The following EPM2A variants were observed in gnomAD, a reference collection of about 807,000 sequenced individuals.
EPM2A encodes EPM2A glucan phosphatase, laforin, also known as laforin.
EPM2A carries 21 observed loss-of-function variants against 26.5 expected under a neutral mutation model. The ratio of observed to expected loss-of-function variants is 0.79; its 90% CI spans 0.56 to 1.14. The LOEUF is 1.14. Ranked by LOEUF, EPM2A falls within the 50% of genes most tolerant of loss-of-function variation. The pLI is 0.00. For synonymous variants in EPM2A, 217 were observed against 177.6 expected (o/e 1.22, Z -1.76); for missense variants, 458 against 440.8 (o/e 1.04, Z -0.35).
chr6:145,676,883 T>G (rs527938742), intron 2 of EPM2A, among the ~76,000 whole-genome samples: 1 of 152,282 alleles, frequency 6.6e-6, no homozygotes, highest in Admixed American at 6.5e-5. Flanking sequence ...CTTCTGAAAC[T>G]ATTCCAATCA....
chr6:145,448,973 G>A (rs761949667), intron 4 of EPM2A, among the ~76,000 whole-genome samples: 2 of 152,152 alleles, frequency 1.3e-5, no homozygotes, highest in African/African-American at 2.4e-5. Context: ...AGTACAAAAT[G>A]TAAGTAGCAA....
intron 2 of EPM2A, among the ~76,000 whole-genome samples, chr6:145,655,212 T>C (rs374141235): frequency 7.2e-5 from 11 of 151,838 alleles, no homozygotes; most frequent in African/African-American, 2.7e-4. Context: ...CAGGATTGGC[T>C]TTTCCAGTGG....
In EPM2A at chr6:145,627,680, C is replaced by T; in HGVS notation, c.732G>A (p.Met244Ile). 1 of 1,614,156 alleles carries T rather than the reference C, an allele frequency of 6.2e-7. No individual in the cohort carries two copies. Residue 244 changes from methionine to isoleucine, a missense_variant, in exon 4 of 4, where the codon ATG (methionine) becomes ATA (isoleucine). Physicochemically the swap from Met to Ile is conservative, Grantham distance 10 (BLOSUM62 1). Transcript: ENST00000367519. Reference sequence around the variant, plus strand: ...GCAGCAGGCACACCGCCTGGGGCAGCATCTGTACTCGGCCTGCGGTGGGGA... The same window carrying T: ...GCAGCAGGCACACCGCCTGGGGCAGTATCTGTACTCGGCCTGCGGTGGGGA... ...PDMSTEGRVQMLPQAVCLLHA... is the reference protein window; with the variant it reads ...PDMSTEGRVQILPQAVCLLHA...
intron 4 of EPM2A, among the ~76,000 whole-genome samples, chr6:145,456,610 A>T (rs1332533495): frequency 6.6e-6 from 1 of 152,124 alleles, no homozygotes; most frequent in Non-Finnish European, 1.5e-5. Context: ...ATGAATATGG[A>T]CAATTTCTAC....
At position 145,416,067 on chromosome 6, in the gene EPM2A, A is replaced by C. The variant is rs572245314; in HGVS notation, c.556-31970T>G. On this transcript the variant is annotated intron_variant, in intron 4 of 4. Transcript: ENST00000638717. Reference sequence around the variant, plus strand: ...CCGACTCCCAGCTGCAGATCATGAAACCACTGTCTTGATCCTGCCCACTTA... The same window carrying C: ...CCGACTCCCAGCTGCAGATCATGAACCCACTGTCTTGATCCTGCCCACTTA... Among the ~76,000 whole-genome samples, 13 of 152,156 alleles carry C rather than the reference A, an allele frequency of 8.5e-5. 1 individual carries two copies. The South Asian group carries it at 2.1e-3, about 24-fold the overall frequency.
intron 2 of EPM2A, among the ~76,000 whole-genome samples, chr6:145,660,607 G>A (rs1433275123): frequency 6.6e-6 from 1 of 152,120 alleles, no homozygotes; most frequent in East Asian, 1.9e-4. Context: ...TTCGAGACCA[G>A]CCTGGCCAAC....
chr6:145,425,092 A>G (rs1297590719), intron 4 of EPM2A, among the ~76,000 whole-genome samples: 2 of 130,334 alleles, frequency 1.5e-5, no homozygotes, highest in Non-Finnish European at 3.5e-5. Flanking sequence ...TAAAATTTCA[A>G]TTAGTAGCTT....
At chr6:145,608,290 A>G (rs1195895636) in intron 2 of EPM2A, among the ~76,000 whole-genome samples, 3 of 152,224 alleles carry the variant, frequency 2.0e-5, no homozygotes, top group African/African-American at 7.2e-5. Context: ...ATAGGAAAAA[A>G]GTATAGTGTT....
intron 4 of EPM2A, among the ~76,000 whole-genome samples, chr6:145,488,667 A>G (rs1298978093): frequency 1.3e-5 from 2 of 152,056 alleles, no homozygotes; most frequent in Non-Finnish European, 2.9e-5. Context: ...CTTTACATTA[A>G]GGATTGGGGG....
intron 2 of EPM2A, among the ~76,000 whole-genome samples, chr6:145,515,669 C>T (rs1780115714): frequency 6.6e-6 from 1 of 152,150 alleles, no homozygotes; most frequent in Non-Finnish European, 1.5e-5. Flanking sequence ...TCCTCACATC[C>T]TAATAGTATC....
At position 145,452,789 on chromosome 6, in the gene EPM2A, T is replaced by C. The variant is rs151301857; in HGVS notation, c.555+49733A>G. On this transcript the variant is annotated intron_variant, in intron 4 of 4. Coordinates refer to the EPM2A transcript ENST00000638717. ...ATTTCTGCAGAAGTATTGCCTATTTTTGGTGAATCTCTAGGAGTAAAATAC... is the reference window on the plus strand; with the variant it reads ...ATTTCTGCAGAAGTATTGCCTATTTCTGGTGAATCTCTAGGAGTAAAATAC... Among the ~76,000 whole-genome samples the C allele has an allele frequency of 7.3e-3, 1,114 of 152,272 alleles. 14 individuals carry two copies. Among genetic ancestry groups the C allele is most frequent in the African/African-American group, 0.025 (1,053 of 41,564 alleles).
At chr6:145,545,811 C>T (rs1780575858) in intron 2 of EPM2A, among the ~76,000 whole-genome samples, 1 of 152,130 alleles carries the variant, frequency 6.6e-6, no homozygotes, top group Admixed American at 6.6e-5. Context: ...CAAACTCTTT[C>T]CCAACTAAGC....
At chr6:145,610,007 G>A (rs1461853709) in intron 2 of EPM2A, among the ~76,000 whole-genome samples, 1 of 152,118 alleles carries the variant, frequency 6.6e-6, no homozygotes, top group Non-Finnish European at 1.5e-5. Context: ...ACGAGGTCAG[G>A]AGTTCAAGAC....
At chr6:145,685,410 G>A (rs113111846) in intron 2 of EPM2A, among the ~76,000 whole-genome samples, 1 of 152,266 alleles carries the variant, frequency 6.6e-6, no homozygotes, top group South Asian at 2.1e-4. Context: ...GGAGTGGGGA[G>A]AGAGGACAAG....
At chr6:145,437,226 C>A (rs529413690) in intron 4 of EPM2A, among the ~76,000 whole-genome samples, 4 of 152,038 alleles carry the variant, frequency 2.6e-5, no homozygotes, top group South Asian at 4.2e-4. Context: ...CCCACCGCCC[C>A]CCTCCTGCCT....
chr6:145,648,818 G>A (rs905773447), intron 2 of EPM2A, among the ~76,000 whole-genome samples: 3 of 152,072 alleles, frequency 2.0e-5, no homozygotes, highest in Non-Finnish European at 4.4e-5. Context: ...TTGGGGGATT[G>A]CCTATCAGAA....
intron 1 of EPM2A, among the ~76,000 whole-genome samples, chr6:145,703,789 C>T (rs1247796551): frequency 2.0e-5 from 3 of 152,146 alleles, no homozygotes; most frequent in Non-Finnish European, 4.4e-5. Flanking sequence ...TCTTATTTAA[C>T]TCATCTTGTG....
chr6:145,478,498 G>A (rs1489930724), intron 4 of EPM2A, among the ~76,000 whole-genome samples: 1 of 151,732 alleles, frequency 6.6e-6, no homozygotes, highest in East Asian at 1.9e-4. Context: ...GAACAACATT[G>A]GAGGAATCAC....
intron 2 of EPM2A, among the ~76,000 whole-genome samples, chr6:145,504,483 C>CA (rs1779941593): frequency 8.3e-6 from 1 of 120,750 alleles, no homozygotes; most frequent in Non-Finnish European, 1.7e-5. Context: ...AGCCAAAAAA[C>CA]ACATGAAAAA....
Sources: gnomAD v4.1 joint callset for allele counts (sites outside exome capture counted in the v4.1 genomes callset) on GRCh38, gnomAD v4.1.1 for gene constraint, MANE v1.5 for transcripts, NCBI Gene and HGNC (gene_info 2026-07-23, HGNC 2026-07-21) for gene names.